MICAL2: variants seen among roughly 807,000 people sequenced by gnomAD.
MICAL2 encodes the protein [F-actin]-monooxygenase MICAL2.
In MICAL2, 77 loss-of-function variants were observed where a neutral mutation model predicts 127.3. The observed-to-expected ratio is 0.60, with a 90% CI of 0.50 to 0.73. The LOEUF (loss-of-function observed/expected upper bound fraction) is 0.73. Ranked by LOEUF, MICAL2 falls within the 30% of genes least tolerant of loss-of-function variation. The pLI is 0.00. For synonymous variants in MICAL2, 570 were observed against 551.1 expected (o/e 1.03, Z -0.48); for missense variants, 1,351 against 1,434.4 (o/e 0.94, Z 0.94).
At chr11:12,315,974 G>T (rs1023068287) in intron 29 of MICAL2, among the ~76,000 whole-genome samples, 1 of 151,912 alleles carries the variant, frequency 6.6e-6, no homozygotes, top group Non-Finnish European at 1.5e-5. Flanking sequence ...TTAATCAAGT[G>T]TGCACATATT....
intron 4 of MICAL2, among the ~76,000 whole-genome samples, chr11:12,205,426 T>G (rs530233068): frequency 6.6e-6 from 1 of 152,322 alleles, no homozygotes; most frequent in East Asian, 1.9e-4. Flanking sequence ...GAAAGCTGAC[T>G]TTTTGTATAC....
intron 4 of MICAL2, among the ~76,000 whole-genome samples, chr11:12,205,872 G>A (rs1854611559): frequency 2.0e-5 from 3 of 152,342 alleles, no homozygotes; most frequent in African/African-American, 4.8e-5. Context: ...TGCTTTCTCT[G>A]TAGGGGTAGG....
At chr11:12,341,663 C>T (rs919453774) in intron 32 of MICAL2, among the ~76,000 whole-genome samples, 9 of 151,978 alleles carry the variant, frequency 5.9e-5, no homozygotes, top group East Asian at 3.9e-4. Flanking sequence ...CCCATCTCTA[C>T]GAAAAATATA....
chr11:12,207,948 G>A lies in MICAL2; in HGVS notation c.473-75G>A. 3 of 1,140,004 alleles carry A rather than the reference G, an allele frequency of 2.6e-6. No homozygotes were observed. In the South Asian group the frequency reaches 3.7e-5, roughly 14 times the overall value. The allele number at this position is 1,140,004 out of a possible 1,614,324, so 70.6% of individuals were successfully genotyped here. Reference sequence around the variant, plus strand: ...TGCTCAAAGGTCACTGAGCGGCAGTGATTATGTAGCATTCTGCATATAGGT... The same window carrying A: ...TGCTCAAAGGTCACTGAGCGGCAGTAATTATGTAGCATTCTGCATATAGGT... On this transcript the variant is annotated intron_variant, in intron 4 of 27. Transcript: ENST00000683283.
intron 8 of MICAL2, among the ~76,000 whole-genome samples, chr11:12,218,021 A>G (rs1856398194): frequency 6.6e-6 from 1 of 152,076 alleles, no homozygotes; most frequent in African/African-American, 2.4e-5. Context: ...CTCTCCCTAC[A>G]TGGATCCATA....
chr11:12,162,532 TG>T, intron 3 of MICAL2, 113 bp downstream of exon 3: 1 of 1,295,206 alleles, frequency 7.7e-7, no homozygotes, highest in Non-Finnish European at 1.1e-6. Flanking sequence ...TGGGTGTGAA[TG>T]TTGCATTGTT....
At chr11:12,242,103 G>A in intron 18 of MICAL2, 111 bp from the exon 19 acceptor site, 1 of 861,980 alleles carries the variant, frequency 1.2e-6, no homozygotes, top group South Asian at 1.8e-5. Context: ...TCTTACTTAG[G>A]GTTGCACCTG....
intron 3 of MICAL2, among the ~76,000 whole-genome samples, chr11:12,184,314 C>T (rs1857879159): frequency 6.6e-6 from 1 of 152,214 alleles, no homozygotes; most frequent in Non-Finnish European, 1.5e-5. Context: ...CTGGCTGCCT[C>T]CCTGTCCTGC....
intron 1 of MICAL2, among the ~76,000 whole-genome samples, chr11:12,125,772 G>A (rs1052812302): frequency 1.3e-5 from 2 of 152,252 alleles, no homozygotes; most frequent in African/African-American, 2.4e-5. Context: ...GAGTGGGGAC[G>A]TGGTAGGTAG....
intron 2 of MICAL2, among the ~76,000 whole-genome samples, chr11:12,150,381 C>T (rs186096649): frequency 5.9e-5 from 9 of 151,800 alleles, no homozygotes; most frequent in Non-Finnish European, 1.2e-4. Flanking sequence ...GAGCCGTGAC[C>T]GTACCACTGC....
chr11:12,323,517 A>T (rs76183229), intron 30 of MICAL2, among the ~76,000 whole-genome samples: 1 of 152,132 alleles, frequency 6.6e-6, no homozygotes, highest in East Asian at 1.9e-4. Context: ...CCTGGGCCAT[A>T]TCGTAGCACC....
In MICAL2 at chr11:12,258,559, A is replaced by T. The variant is rs1413744334; in HGVS notation, c.3231+3A>T. On this transcript the variant is annotated splice_donor_region_variant and intron_variant, in intron 25 of 27. Transcript: ENST00000683283. ...CAGAGTTGAAGCAACAAAGAGAGGT[A>T]TGTTTGTCTCAAACATGCTGGTGAA... 5 of 1,612,404 alleles carry T rather than the reference A, an allele frequency of 3.1e-6. No individual in the cohort carries two copies. Among genetic ancestry groups the T allele is most frequent in the Non-Finnish European group, 4.2e-6 (5 of 1,178,984 alleles).
At chr11:12,174,500 C>T (rs1856623695) in intron 3 of MICAL2, among the ~76,000 whole-genome samples, 1 of 152,086 alleles carries the variant, frequency 6.6e-6, no homozygotes, top group African/African-American at 2.4e-5. Context: ...TCATCTGTGA[C>T]ATATGCCAGA....
intron 34 of MICAL2, among the ~76,000 whole-genome samples, chr11:12,356,093 T>A (rs1217126568): frequency 1.3e-5 from 2 of 152,206 alleles, no homozygotes; most frequent in African/African-American, 4.8e-5. Flanking sequence ...TGTTTCAGGA[T>A]ACTAAATAAA....
chr11:12,326,925 A>T (rs1333619931), intron 31 of MICAL2, among the ~76,000 whole-genome samples: 1 of 152,130 alleles, frequency 6.6e-6, no homozygotes, highest in Non-Finnish European at 1.5e-5. Context: ...GTCTAAGGGG[A>T]CTGTTTTAAT....
intron 3 of MICAL2, among the ~76,000 whole-genome samples, chr11:12,184,474 G>A (rs550809719): frequency 2.0e-4 from 30 of 152,310 alleles, no homozygotes; most frequent in East Asian, 1.3e-3. Flanking sequence ...ATTCCAGCCC[G>A]GGAGAGGTAA....
At chr11:12,348,076 C>T (rs1420441321) in intron 32 of MICAL2, among the ~76,000 whole-genome samples, 1 of 146,762 alleles carries the variant, frequency 6.8e-6, no homozygotes, top group African/African-American at 2.5e-5. Context: ...ATCACTTGAA[C>T]CTGAGAGGCG....
intron 2 of MICAL2, among the ~76,000 whole-genome samples, chr11:12,147,738 C>T (rs1853094637): frequency 6.6e-6 from 1 of 152,118 alleles, no homozygotes; most frequent in South Asian, 2.1e-4. Flanking sequence ...CTAGCAAGGC[C>T]CCAGTCACAA....
At chr11:12,283,722 T>C (rs1044860226) in intron 2 of MICAL2, among the ~76,000 whole-genome samples, 1 of 152,220 alleles carries the variant, frequency 6.6e-6, no homozygotes, top group Non-Finnish European at 1.5e-5. Context: ...TTTTATATTA[T>C]GTATATTATT....
Sources: gnomAD v4.1 joint callset for allele counts (sites outside exome capture counted in the v4.1 genomes callset) on GRCh38, gnomAD v4.1.1 for gene constraint, MANE v1.5 for transcripts, NCBI Gene and HGNC (gene_info 2026-07-23, HGNC 2026-07-21) for gene names.